The following SLF1 variants were observed in gnomAD, a reference collection of about 807,000 sequenced individuals.
SLF1 encodes SMC5/6 complex localization factor 1, also known as SMC5-SMC6 complex localization factor protein 1.
A neutral mutation model predicts 123.0 loss-of-function variants in SLF1; 105 were observed. The ratio of observed to expected loss-of-function variants is 0.85; its 90% confidence interval spans 0.73 to 1.00. The LOEUF (loss-of-function observed/expected upper bound fraction) is 1.00. Ranked by LOEUF, SLF1 falls within the 50% of genes least tolerant of loss-of-function variation. The probability of loss-of-function intolerance (pLI) is 0.00; values close to 1 mark genes in which losing one functional copy is unlikely to be tolerated. For missense variants in SLF1, 1,239 were observed against 1,223.0 expected (o/e 1.01, Z -0.20); for synonymous variants, 434 against 406.6 (o/e 1.07, Z -0.81).
intron 4 of SLF1, among the ~76,000 whole-genome samples, chr5:94,633,666 C>T (rs1295264343): frequency 1.3e-5 from 2 of 152,040 alleles, no homozygotes; most frequent in Non-Finnish European, 2.9e-5. Flanking sequence ...AAAAATTTAA[C>T]GAAGATACTA....
In SLF1 at chr5:94,649,602, A is replaced by ACTTTATAGG; in HGVS notation, c.738+8_738+16dup. 6.9e-7 allele frequency: 1 copy of ACTTTATAGG among 1,458,724 alleles called. No homozygotes were observed. The highest frequency in any genetic ancestry group is 9.2e-7 in the Non-Finnish European group (1 of 1,088,712). 90.4% of individuals were successfully genotyped at this position (1,458,724 alleles called of 1,614,324 possible). A position where few individuals can be genotyped will look rare whatever the true frequency, so the allele number is the denominator to read the frequency against. ...GAGACCATGTATAGAACCCAGGTAA[A>ACTTTATAGG]CTTTATAGGCTGAAAAACATACATT... On this transcript the variant is annotated splice_donor_region_variant and intron_variant, in intron 6 of 20. Coordinates refer to ENST00000265140, the MANE Select transcript of SLF1 (RefSeq NM_032290.4).
At chr5:94,655,958 T>TC (rs1250212824) in intron 9 of SLF1, among the ~76,000 whole-genome samples, 2 of 152,118 alleles carry the variant, frequency 1.3e-5, no homozygotes, top group Non-Finnish European at 2.9e-5. Flanking sequence ...GCCTGATTGC[T>TC]CTGGTGAGGA....
intron 14 of SLF1, among the ~76,000 whole-genome samples, chr5:94,673,037 A>G (rs759161783): frequency 2.6e-5 from 4 of 152,194 alleles, no homozygotes; most frequent in Non-Finnish European, 5.9e-5. Context: ...GGTAGTTCAA[A>G]TGAAGTAAAG....
intron 4 of SLF1, among the ~76,000 whole-genome samples, chr5:94,637,733 C>T (rs1411375969): frequency 6.6e-6 from 1 of 151,996 alleles, no homozygotes; most frequent in Non-Finnish European, 1.5e-5. Flanking sequence ...ATCTCGTTCC[C>T]TAAATGGAGT....
Position 94,670,940 on chromosome 5 carries a change from A to G in SLF1, c.1759A>G (p.Thr587Ala). The G allele has an allele frequency of 6.5e-7, 1 of 1,549,938 alleles. No homozygotes were observed. Among genetic ancestry groups the G allele is most frequent in the Non-Finnish European group, 8.7e-7 (1 of 1,145,746 alleles). ...AGGAAGTGAAACCTCTGGGCTTTTG[A>G]CCAAACCAGTAAATATGCTTTTGGA... Reference protein sequence around the residue: ...WSGSETSGLLTKPVNMLLEWT... With the variant: ...WSGSETSGLLAKPVNMLLEWT... Residue 587 changes from threonine to alanine, a missense_variant, in exon 14 of 21, where the codon ACC (threonine) becomes GCC (alanine). Transcript: ENST00000265140.
chr5:94,684,697 C>CAA (rs397882900), intron 15 of SLF1, among the ~76,000 whole-genome samples: 27 of 68,820 alleles, frequency 3.9e-4, no homozygotes, highest in South Asian at 5.9e-4. Flanking sequence ...GACTCTGTCT[C>CAA]AAAAAAAAAA....
At chr5:94,666,854 A>T (rs1013686461) in intron 12 of SLF1, among the ~76,000 whole-genome samples, 7 of 151,596 alleles carry the variant, frequency 4.6e-5, no homozygotes, top group Non-Finnish European at 8.8e-5. Flanking sequence ...CATGTTGGCC[A>T]GGCTGGTCTC....
chr5:94,651,182 G>C (rs997748568), intron 6 of SLF1, among the ~76,000 whole-genome samples: 1 of 152,140 alleles, frequency 6.6e-6, no homozygotes, highest in Admixed American at 6.5e-5. Context: ...ACTTAGGAGC[G>C]ATAGACCATA....
chr5:94,657,190 ATG>A (rs1156860771), intron 9 of SLF1, among the ~76,000 whole-genome samples: 1 of 151,768 alleles, frequency 6.6e-6, no homozygotes, highest in Non-Finnish European at 1.5e-5. Context: ...TTTTCTATAA[ATG>A]TGCCTTTTAG....
At chr5:94,692,499 T>C (rs1233430280) in intron 20 of SLF1, among the ~76,000 whole-genome samples, 1 of 152,142 alleles carries the variant, frequency 6.6e-6, no homozygotes, top group East Asian at 1.9e-4. Context: ...GGTTCGTGTA[T>C]GAGAGTCTGT....
intron 1 of SLF1, among the ~76,000 whole-genome samples, chr5:94,625,880 T>C (rs1482707889): frequency 2.6e-5 from 4 of 152,184 alleles, no homozygotes; most frequent in Admixed American, 6.5e-5. Flanking sequence ...TCATAGTTTT[T>C]ATGTATTGCT....
In SLF1 at chr5:94,663,901, T is replaced by A. The variant is rs1437567970; in HGVS notation, c.1361T>A (p.Val454Asp). The change falls in exon 11 of 21, where the codon GTT (valine) becomes GAT (aspartate). Residue 454 changes from valine to aspartate, a missense_variant. Transcript: ENST00000265140. ...VCVLHALLEN[V>D]LQDNIDTFSG... is the part of the protein sequence containing the mutation. ...GTTCTTCATGCCCTTCTAGAGAACG[T>A]TCTACAGGTAAGAGCAGCCTTAAGG... The A allele has an allele frequency of 6.5e-7, 1 of 1,528,436 alleles. No individual in the cohort carries two copies. Among genetic ancestry groups the A allele is most frequent in the Admixed American group, 2.2e-5 (1 of 44,842 alleles). 94.7% of individuals were successfully genotyped at this position (1,528,436 alleles called of 1,614,324 possible).
At chr5:94,681,277 A>C (rs1398819529) in intron 15 of SLF1, among the ~76,000 whole-genome samples, 1 of 151,856 alleles carries the variant, frequency 6.6e-6, no homozygotes, top group African/African-American at 2.4e-5. Flanking sequence ...TTATAGGTGT[A>C]TGCCACCAAG....
At chr5:94,678,699 G>C (rs1751397378) in intron 14 of SLF1, 109 bp from the exon 15 acceptor site, 2 of 955,222 alleles carry the variant, frequency 2.1e-6, no homozygotes, top group South Asian at 1.8e-5. Context: ...TACATACCCT[G>C]TATTTTTAAA....
intron 9 of SLF1, among the ~76,000 whole-genome samples, chr5:94,660,432 G>A (rs1467696253): frequency 2.0e-5 from 3 of 152,152 alleles, no homozygotes; most frequent in Non-Finnish European, 4.4e-5. Flanking sequence ...GACAGGGATG[G>A]GTTGATACCC....
chr5:94,664,012 GT>G (rs199873196), intron 11 of SLF1, 104 bp downstream of exon 11: 30 of 1,153,490 alleles, frequency 2.6e-5, no homozygotes, highest in South Asian at 4.4e-5. Context: ...CCTGTTCAGT[GT>G]TTTTTTTTCT....
rs547074360 is a variant in SLF1, at chr5:94,663,225, C to T, written c.1210-525C>T. Among the ~76,000 whole-genome samples, 28 of 152,282 alleles carry T rather than the reference C, an allele frequency of 1.8e-4. No homozygotes were observed. The South Asian group carries it at 5.4e-3, about 29-fold the overall frequency. On this transcript the variant is annotated intron_variant, in intron 10 of 20. Transcript: ENST00000265140. ...TAGTATTTTCCCTTACTACTGAAGG[C>T]AACAGAAAATAATTAATATAACAAG... is the stretch of plus-strand genomic sequence containing the variant.
In SLF1 at chr5:94,663,874, G is replaced by C; in HGVS notation, c.1334G>C (p.Cys445Ser). The C allele has an allele frequency of 1.3e-6, 2 of 1,545,514 alleles. No individual in the cohort carries two copies. The highest frequency in any genetic ancestry group is 8.7e-7 in the Non-Finnish European group (1 of 1,145,146). Residue 445 changes from cysteine (C) to serine (S), a missense_variant, in exon 11 of 21, where the codon TGC (cysteine) becomes TCC (serine). Cys to Ser is a moderately radical substitution (Grantham distance 112). Transcript: ENST00000265140. ...TLQAHYIPPV[C>S]VLHALLENVL... ...CAGGCACATTATATCCCTCCTGTAT[G>C]CGTTCTTCATGCCCTTCTAGAGAAC...
At chr5:94,623,105 A>G (rs879232164) in intron 1 of SLF1, among the ~76,000 whole-genome samples, 1 of 152,306 alleles carries the variant, frequency 6.6e-6, no homozygotes. Flanking sequence ...CAAAGAACCT[A>G]AAAAGCTAGT....
Sources: allele counts gnomAD v4.1 joint callset (sites outside exome capture counted in the v4.1 genomes callset), GRCh38; gene constraint gnomAD v4.1.1; transcripts MANE v1.5; gene names NCBI Gene and HGNC (gene_info 2026-07-23, HGNC 2026-07-21).